Variants in ANKRD42 observed in about 807,000 individuals in gnomAD.
The protein encoded by ANKRD42 is ankyrin repeat domain 42.
In ANKRD42, 43 loss-of-function variants were observed where a neutral mutation model predicts 51.5. The ratio of observed to expected loss-of-function variants is 0.83; its 90% CI spans 0.65 to 1.08. ANKRD42 has a LOEUF of 1.08. Ranked by LOEUF, ANKRD42 falls within the 50% of genes least tolerant of loss-of-function variation. The probability of loss-of-function intolerance (pLI) is 0.00; values close to 1 mark genes in which losing one functional copy is unlikely to be tolerated. For synonymous variants in ANKRD42, 203 were observed against 213.0 expected (o/e 0.95, Z 0.41); for missense variants, 608 against 629.3 (o/e 0.97, Z 0.36).
chr11:83,214,960 A>G (rs1265046816), intron 5 of ANKRD42: 1 of 152,244 alleles, frequency 6.6e-6, no homozygotes. Flanking sequence ...TAGCTCCCAC[A>G]TATGAATGAA....
At chr11:83,213,379 G>C in intron 5 of ANKRD42, 3 of 1,575,100 alleles carry the variant, frequency 1.9e-6, no homozygotes, top group East Asian at 2.3e-5. Context: ...CCCAACGCCA[G>C]GCTGCGCAGT....
intron 5 of ANKRD42, among the ~76,000 whole-genome samples, chr11:83,217,523 A>G (rs1862579575): frequency 6.6e-6 from 1 of 152,180 alleles, no homozygotes; most frequent in Non-Finnish European, 1.5e-5. Context: ...GGAGATTGAA[A>G]CTGTGAAGGC....
Position 83,198,549 on chromosome 11 carries a change from A to G in ANKRD42, c.129A>G (p.Ser43=), listed in dbSNP as rs1336669857. 2 of 1,614,022 alleles carry G rather than the reference A, an allele frequency of 1.2e-6. No individual in the cohort carries two copies. The highest frequency in any genetic ancestry group is 2.2e-5 in the South Asian group (2 of 91,068). Residue 43 remains serine (S), a synonymous_variant, in exon 2 of 11, where the codon TCA becomes TCG. Coordinates refer to ENST00000533342, the MANE Select transcript of ANKRD42 (RefSeq NM_001300975.2). ...GAGCTGGAGATGTAAAGCAGCTTTCAGAAATAGTGGTACGTGGAGCCAGCA... is the reference window on the plus strand; with the variant it reads ...GAGCTGGAGATGTAAAGCAGCTTTCGGAAATAGTGGTACGTGGAGCCAGCA... ...AVRAGDVKQL[S]EIVVRGASIN...
downstream of ANKRD42, among the ~76,000 whole-genome samples, chr11:83,256,527 C>T (rs1330366478): frequency 6.6e-6 from 1 of 152,110 alleles, no homozygotes; most frequent in African/African-American, 2.4e-5. Flanking sequence ...TCAGTTCTGA[C>T]TTCAATTCCC....
At chr11:83,198,016 G>A (rs1590957652) in intron 1 of ANKRD42, among the ~76,000 whole-genome samples, 1 of 152,164 alleles carries the variant, frequency 6.6e-6, no homozygotes, top group African/African-American at 2.4e-5. Flanking sequence ...GTTTCTGAAG[G>A]TAAAATCTAT....
At chr11:83,252,991 A>C (rs1440085879), downstream of ANKRD42, among the ~76,000 whole-genome samples, 3 of 152,188 alleles carry the variant, frequency 2.0e-5, no homozygotes, top group East Asian at 5.8e-4. Flanking sequence ...TCCTTGATCT[A>C]CAGCTTTGGG....
At chr11:83,205,497 G>C (rs1049551361) in intron 2 of ANKRD42, among the ~76,000 whole-genome samples, 1 of 152,102 alleles carries the variant, frequency 6.6e-6, no homozygotes, top group Non-Finnish European at 1.5e-5. Context: ...ACCGTATGTG[G>C]TACAGACCTT....
intron 5 of ANKRD42, among the ~76,000 whole-genome samples, chr11:83,220,036 C>T (rs1427406838): frequency 1.3e-5 from 2 of 152,192 alleles, no homozygotes; most frequent in African/African-American, 4.8e-5. Context: ...ACATTAGCAT[C>T]CAGGAGGCAG....
At chr11:83,209,336 G>A (rs78119287) in intron 3 of ANKRD42, 82 of 1,086,894 alleles carry the variant, frequency 7.5e-5, no homozygotes, top group East Asian at 2.6e-4. Context: ...GTGGGAGTGC[G>A]TGCTGCTGGG....
chr11:83,261,791 G>A (rs182121966), downstream of ANKRD42: 58 of 690,832 alleles, frequency 8.4e-5, no homozygotes, highest in East Asian at 4.2e-4. Context: ...CTTTTAGTCC[G>A]TATACACTTC....
chr11:83,231,809 C>T (rs1863079543), intron 7 of ANKRD42, among the ~76,000 whole-genome samples: 1 of 152,088 alleles, frequency 6.6e-6, no homozygotes, highest in African/African-American at 2.4e-5. Context: ...ATTGAAGAGA[C>T]TGTCTTTTAC....
intron 9 of ANKRD42, among the ~76,000 whole-genome samples, chr11:83,245,250 A>AT (rs1863509344): frequency 6.6e-6 from 1 of 152,214 alleles, no homozygotes; most frequent in Non-Finnish European, 1.5e-5. Context: ...GTTAATAGTC[A>AT]TAACAACCTG....
chr11:83,261,625 TC>T, downstream of ANKRD42: 1 of 232,294 alleles, frequency 4.3e-6, no homozygotes, highest in East Asian at 8.1e-5. Flanking sequence ...ATAAGAAAAC[TC>T]TGGTTCAATT....
chr11:83,206,820 G>A lies in ANKRD42; in HGVS notation c.330+655G>A, dbSNP rs371561250. On this transcript the variant is annotated intron_variant, in intron 3 of 10. Coordinates refer to ENST00000533342, the MANE Select transcript of ANKRD42 (RefSeq NM_001300975.2). Reference sequence around the variant, plus strand: ...GACACTTGGCCATGCCTAAAATTTCGTATTTAATGTATTGCCTGACCAGGG... The same window carrying A: ...GACACTTGGCCATGCCTAAAATTTCATATTTAATGTATTGCCTGACCAGGG... Among the ~76,000 whole-genome samples, 17 of 152,224 alleles carry A rather than the reference G, an allele frequency of 1.1e-4. 1 individual carries two copies. The highest frequency in any genetic ancestry group is 7.7e-4 in the East Asian group (4 of 5,182).
chr11:83,229,577 T>G (rs1267928913), intron 7 of ANKRD42, among the ~76,000 whole-genome samples: 1 of 152,194 alleles, frequency 6.6e-6, no homozygotes, highest in Non-Finnish European at 1.5e-5. Context: ...TAGTCATTTC[T>G]TCACCACTTG....
At chr11:83,230,649 C>T (rs1178970745) in intron 7 of ANKRD42, among the ~76,000 whole-genome samples, 10 of 151,888 alleles carry the variant, frequency 6.6e-5, no homozygotes, top group Non-Finnish European at 1.2e-4. Context: ...TGCAGTGGCG[C>T]GATCTCTGCT....
At chr11:83,235,933 C>T (rs1194769357) in intron 7 of ANKRD42, among the ~76,000 whole-genome samples, 1 of 152,196 alleles carries the variant, frequency 6.6e-6, no homozygotes, top group Non-Finnish European at 1.5e-5. Flanking sequence ...ATATATCATA[C>T]ATCTATCATA....
intron 2 of ANKRD42, 116 bp downstream of exon 2, chr11:83,198,758 CAT>C: frequency 1.0e-6 from 1 of 954,398 alleles, no homozygotes; most frequent in African/African-American, 1.7e-5. Flanking sequence ...TCTTTTCAGT[CAT>C]AGTCAGTTTA....
At chr11:83,242,567 G>GTT (rs539259244) in intron 9 of ANKRD42, among the ~76,000 whole-genome samples, 2,201 of 115,520 alleles carry the variant, frequency 0.019, 163 homozygotes, top group African/African-American at 0.066. Context: ...TGGTAGTTAA[G>GTT]TTTTTTTTTT....
Sources: gnomAD v4.1 joint callset for allele counts (sites outside exome capture counted in the v4.1 genomes callset) on GRCh38, gnomAD v4.1.1 for gene constraint, MANE v1.5 for transcripts, NCBI Gene and HGNC (gene_info 2026-07-23, HGNC 2026-07-21) for gene names.